FRMD4A: variants seen among roughly 807,000 people sequenced by gnomAD.
FRMD4A encodes the protein FERM domain containing 4A.
A neutral mutation model predicts 129.1 loss-of-function variants in FRMD4A; 29 were observed. The ratio of observed to expected loss-of-function variants is 0.22; its 90% CI spans 0.17 to 0.31. FRMD4A has a LOEUF of 0.31. FRMD4A is among the 10% of genes least tolerant of loss of function. The probability of loss-of-function intolerance (pLI) is 1.00; values close to 1 mark genes in which losing one functional copy is unlikely to be tolerated. For synonymous variants in FRMD4A, 634 were observed against 571.6 expected (o/e 1.11, Z -1.56); for missense variants, 1,272 against 1,375.8 (o/e 0.92, Z 1.19).
In FRMD4A at chr10:13,975,604, C is replaced by T. The variant is rs115587815; in HGVS notation, c.46-116692G>A. On this transcript the variant is annotated intron_variant, in intron 2 of 24. Coordinates refer to ENST00000357447, the MANE Select transcript of FRMD4A (RefSeq NM_018027.5). ...TGTGAATCTCTGTGTGTGTCTGTCT[C>T]GTGTGTGTCTATGTGTGTGTCTATC... is the stretch of plus-strand genomic sequence containing the variant. Among the ~76,000 whole-genome samples, 944 of 148,936 alleles carry T rather than the reference C, an allele frequency of 6.3e-3. 16 individuals are homozygous for T. Among genetic ancestry groups the T allele is most frequent in the African/African-American group, 0.022 (872 of 40,366 alleles).
At chr10:14,099,133 A>G (rs933923160) in intron 2 of FRMD4A, among the ~76,000 whole-genome samples, 1 of 152,224 alleles carries the variant, frequency 6.6e-6, no homozygotes, top group Non-Finnish European at 1.5e-5. Context: ...CCAGGTATAT[A>G]GGCCTCCCTC....
chr10:13,876,556 T>C (rs559673438), intron 2 of FRMD4A, among the ~76,000 whole-genome samples: 1 of 152,312 alleles, frequency 6.6e-6, no homozygotes, highest in South Asian at 2.1e-4. Flanking sequence ...AATAACACTT[T>C]CTGGTAACAT....
At chr10:13,937,091 T>C (rs938279802) in intron 2 of FRMD4A, among the ~76,000 whole-genome samples, 25 of 151,840 alleles carry the variant, frequency 1.6e-4, no homozygotes, top group Non-Finnish European at 3.2e-4. Context: ...AAAGGGAGGG[T>C]TGCAAATGTT....
intron 2 of FRMD4A, among the ~76,000 whole-genome samples, chr10:14,204,767 C>T (rs922801716): frequency 2.6e-5 from 4 of 152,186 alleles, no homozygotes; most frequent in Non-Finnish European, 5.9e-5. Flanking sequence ...ATCTCCCTCA[C>T]ATCTGCATAG....
At chr10:14,227,125 C>T (rs968864294) in intron 2 of FRMD4A, among the ~76,000 whole-genome samples, 1 of 152,042 alleles carries the variant, frequency 6.6e-6, no homozygotes, top group Non-Finnish European at 1.5e-5. Flanking sequence ...AAGCTTTCCT[C>T]TTGCACCCAG....
intron 15 of FRMD4A, 91 bp downstream of exon 15, chr10:13,693,807 C>T: frequency 7.5e-7 from 1 of 1,340,264 alleles, no homozygotes; most frequent in Non-Finnish European, 1.1e-6. Context: ...GCCCTGCAGT[C>T]TCCCCAGCTG....
chr10:14,176,970 C>G (rs1841751612), intron 2 of FRMD4A, among the ~76,000 whole-genome samples: 1 of 152,178 alleles, frequency 6.6e-6, no homozygotes, highest in African/African-American at 2.4e-5. Flanking sequence ...GAGACATCGC[C>G]CATGCCATGT....
intron 2 of FRMD4A, among the ~76,000 whole-genome samples, chr10:14,182,124 C>T (rs764429841): frequency 2.6e-5 from 4 of 152,164 alleles, no homozygotes; most frequent in Non-Finnish European, 5.9e-5. Flanking sequence ...TACCAAACTG[C>T]CGTATAATTG....
chr10:14,271,639 G>A (rs909159187), intron 2 of FRMD4A, among the ~76,000 whole-genome samples: 1 of 152,240 alleles, frequency 6.6e-6, no homozygotes, highest in Admixed American at 6.5e-5. Flanking sequence ...CTGTCTAGCT[G>A]TGTTCTATTA....
intron 2 of FRMD4A, among the ~76,000 whole-genome samples, chr10:14,159,958 G>C (rs780484967): frequency 6.6e-6 from 1 of 152,142 alleles, no homozygotes; most frequent in Admixed American, 6.5e-5. Flanking sequence ...GCTGAGGCAG[G>C]AGAACTGCTT....
chr10:14,266,775 G>GTTAA (rs1225846472), intron 2 of FRMD4A, among the ~76,000 whole-genome samples: 1 of 152,110 alleles, frequency 6.6e-6, no homozygotes, highest in African/African-American at 2.4e-5. Flanking sequence ...GTAGTTTAAA[G>GTTAA]TTAATTATAC....
chr10:13,946,874 A>T lies in FRMD4A; in HGVS notation c.46-87962T>A, dbSNP rs1688787393. Among the ~76,000 whole-genome samples, 4 of 152,108 alleles carry T rather than the reference A, an allele frequency of 2.6e-5. No individual in the cohort carries two copies. The South Asian group carries it at 8.3e-4, about 31-fold the overall frequency. ...GCTGTGAGCTGGCCATGCTTCAATAAACAGCAGACTTGACCTCGGGGAGCT... is the reference window on the plus strand; with the variant it reads ...GCTGTGAGCTGGCCATGCTTCAATATACAGCAGACTTGACCTCGGGGAGCT... On this transcript the variant is annotated intron_variant, in intron 2 of 24. Transcript: ENST00000357447.
intron 2 of FRMD4A, among the ~76,000 whole-genome samples, chr10:13,953,436 G>C (rs2095387314): frequency 6.6e-6 from 1 of 152,126 alleles, no homozygotes; most frequent in Non-Finnish European, 1.5e-5. Context: ...TGGTCAATGG[G>C]AAATTCCAGA....
chr10:14,135,856 T>A (rs1839507993), intron 2 of FRMD4A, among the ~76,000 whole-genome samples: 1 of 152,230 alleles, frequency 6.6e-6, no homozygotes, highest in Non-Finnish European at 1.5e-5. Flanking sequence ...ACAATGGTCA[T>A]GGAAAATATA....
intron 2 of FRMD4A, among the ~76,000 whole-genome samples, chr10:14,119,327 C>T (rs376429924): frequency 1.3e-5 from 2 of 152,226 alleles, no homozygotes; most frequent in African/African-American, 4.8e-5. Flanking sequence ...CTTAAAACTA[C>T]ACCTGCAGTA....
At chr10:13,814,153 G>A (rs1260522719) in intron 3 of FRMD4A, among the ~76,000 whole-genome samples, 9 of 152,134 alleles carry the variant, frequency 5.9e-5, no homozygotes, top group Non-Finnish European at 8.8e-5. Flanking sequence ...TAGAGGAGGA[G>A]GAATGGGTGA....
At chr10:13,650,388 C>CTGCATGTGCACATGTA (rs1388746530) in intron 24 of FRMD4A, among the ~76,000 whole-genome samples, 1 of 152,100 alleles carries the variant, frequency 6.6e-6, no homozygotes, top group Non-Finnish European at 1.5e-5. Context: ...ATGTGTGTCC[C>CTGCATGTGCACATGTA]TGCATGTGCA....
intron 2 of FRMD4A, among the ~76,000 whole-genome samples, chr10:13,941,305 T>C (rs2095290389): frequency 6.6e-6 from 1 of 152,186 alleles, no homozygotes; most frequent in Admixed American, 6.5e-5. Context: ...TCTTGTCTGC[T>C]GCCATATAAG....
intron 2 of FRMD4A, among the ~76,000 whole-genome samples, chr10:13,899,824 G>T (rs1453527701): frequency 6.6e-6 from 1 of 152,194 alleles, no homozygotes; most frequent in East Asian, 1.9e-4. Context: ...CATGGCCACA[G>T]AATTACTTTG....
Sources: allele counts gnomAD v4.1 joint callset (sites outside exome capture counted in the v4.1 genomes callset), GRCh38; gene constraint gnomAD v4.1.1; transcripts MANE v1.5; gene names NCBI Gene and HGNC (gene_info 2026-07-23, HGNC 2026-07-21).